The following CSMD1 variants were observed in gnomAD, a reference collection of about 807,000 sequenced individuals.
The protein encoded by CSMD1 is CUB and sushi domain-containing protein 1.
In CSMD1, 213 loss-of-function variants were observed where a neutral mutation model predicts 417.5. The observed-to-expected ratio is 0.51, with a 90% CI of 0.46 to 0.57. The LOEUF is 0.57. CSMD1 is among the 20% of genes least tolerant of loss of function. The probability of loss-of-function intolerance (pLI) is 0.00; values close to 1 mark genes in which losing one functional copy is unlikely to be tolerated. For synonymous variants in CSMD1, 2,862 were observed against 1,736.8 expected (o/e 1.65, Z -16.11); for missense variants, 6,923 against 4,529.7 (o/e 1.53, Z -15.17).
At chr8:3,232,566 T>A (rs74894252) in intron 26 of CSMD1, among the ~76,000 whole-genome samples, 1 of 152,228 alleles carries the variant, frequency 6.6e-6, no homozygotes, top group South Asian at 2.1e-4. Context: ...ATGCTGCTGG[T>A]ACACATTTGC....
intron 7 of CSMD1, among the ~76,000 whole-genome samples, chr8:3,680,296 T>G (rs1233320493): frequency 6.6e-6 from 1 of 152,176 alleles, no homozygotes; most frequent in South Asian, 2.1e-4. Flanking sequence ...CTAGCAAGAC[T>G]AATAAAGAAG....
chr8:3,231,223 C>G (rs550129575), intron 26 of CSMD1, among the ~76,000 whole-genome samples: 14 of 152,224 alleles, frequency 9.2e-5, no homozygotes, highest in African/African-American at 3.4e-4. Flanking sequence ...CCTGAAAAAT[C>G]CAAAGCTTAG....
At chr8:3,900,414 G>C (rs1182502114) in intron 5 of CSMD1, among the ~76,000 whole-genome samples, 1 of 152,010 alleles carries the variant, frequency 6.6e-6, no homozygotes, top group African/African-American at 2.4e-5. Context: ...TGACAGGGCA[G>C]CTGGGTGACA....
At chr8:3,392,327 C>T (rs1461896544) in intron 17 of CSMD1, among the ~76,000 whole-genome samples, 1 of 152,092 alleles carries the variant, frequency 6.6e-6, no homozygotes, top group African/African-American at 2.4e-5. Flanking sequence ...GGGTCACAGG[C>T]AACCCACTTT....
intron 10 of CSMD1, among the ~76,000 whole-genome samples, chr8:3,542,084 G>T (rs74915749): frequency 0.044 from 6,695 of 152,086 alleles, 432 homozygotes; most frequent in African/African-American, 0.14. Context: ...TTATTTTACT[G>T]TGCTCTATAG....
chr8:3,585,873 G>C (rs765671719), intron 9 of CSMD1, among the ~76,000 whole-genome samples: 3 of 152,106 alleles, frequency 2.0e-5, no homozygotes, highest in Non-Finnish European at 4.4e-5. Flanking sequence ...TGTATTGATA[G>C]ATACCAAGTT....
intron 5 of CSMD1, among the ~76,000 whole-genome samples, chr8:3,765,807 G>C (rs951164714): frequency 6.6e-6 from 1 of 152,168 alleles, no homozygotes; most frequent in East Asian, 1.9e-4. Context: ...GGTGGAGACA[G>C]GTCTCAGGAA....
chr8:3,098,697 A>C (rs1471549557), intron 46 of CSMD1, among the ~76,000 whole-genome samples: 1 of 152,180 alleles, frequency 6.6e-6, no homozygotes, highest in African/African-American at 2.4e-5. Context: ...GTGATATTTT[A>C]AGAAAGAAAA....
At chr8:4,542,687 T>C (rs965770098) in intron 2 of CSMD1, among the ~76,000 whole-genome samples, 14 of 152,190 alleles carry the variant, frequency 9.2e-5, no homozygotes, top group Non-Finnish European at 1.9e-4. Flanking sequence ...CGGCAGAAGA[T>C]AGTTTGAATC....
At chr8:4,056,598 C>A (rs2552131) in intron 3 of CSMD1, among the ~76,000 whole-genome samples, 142,209 of 151,660 alleles carry the variant, frequency 0.94, 66,735 homozygotes, top group East Asian at 0.99. Context: ...GGTAAGTTAC[C>A]TATGTATACA....
rs548711951 is a variant in CSMD1 at position 3,235,952 on chromosome 8, C to G, written c.4154-5721G>C. On this transcript the variant is annotated intron_variant, in intron 26 of 69. Coordinates refer to ENST00000635120, the MANE Select transcript of CSMD1 (RefSeq NM_033225.6). ...TTTTTTTTTGAGACAGAGTCTTGAT[C>G]TGTCGCCCAGGCTGGAGTGCAGTGG... Among the ~76,000 whole-genome samples, 6 of 112,138 alleles carry G rather than the reference C, an allele frequency of 5.4e-5. No homozygotes were observed. In the East Asian group the frequency reaches 1.1e-3, roughly 20 times the overall value. 73.6% of individuals were successfully genotyped at this position (112,138 alleles called of 152,430 possible).
chr8:4,096,925 C>G (rs1159241869), intron 3 of CSMD1, among the ~76,000 whole-genome samples: 1 of 152,128 alleles, frequency 6.6e-6, no homozygotes, highest in African/African-American at 2.4e-5. Context: ...AATTGCAGAG[C>G]AAACACCCCA....
chr8:4,197,802 C>A (rs1443799608), intron 3 of CSMD1, among the ~76,000 whole-genome samples: 1 of 152,020 alleles, frequency 6.6e-6, no homozygotes, highest in Non-Finnish European at 1.5e-5. Flanking sequence ...TTGCTTGAAC[C>A]CAGGAGGCAG....
chr8:4,777,195 T>C (rs953617468), intron 1 of CSMD1, among the ~76,000 whole-genome samples: 6 of 152,228 alleles, frequency 3.9e-5, no homozygotes, highest in Non-Finnish European at 8.8e-5. Context: ...TTGTGGTTGT[T>C]ATTTTACCAA....
At chr8:3,768,535 A>G (rs1047081497) in intron 5 of CSMD1, among the ~76,000 whole-genome samples, 3 of 152,204 alleles carry the variant, frequency 2.0e-5, no homozygotes, top group Admixed American at 2.0e-4. Flanking sequence ...ATTTATAAGA[A>G]AGTCCAAATG....
At position 3,292,956 on chromosome 8, in the gene CSMD1, G is replaced by A. The variant is rs1440645265; in HGVS notation, c.3951-8610C>T. On this transcript the variant is annotated intron_variant, in intron 25 of 69. Coordinates refer to ENST00000635120, the MANE Select transcript of CSMD1 (RefSeq NM_033225.6). Reference sequence around the variant, plus strand: ...TTACATTTTGGCATGATTTTGCAGTGGCTGGTACCGGTTGTTCCTTTCCAT... The same window carrying A: ...TTACATTTTGGCATGATTTTGCAGTAGCTGGTACCGGTTGTTCCTTTCCAT... 1.8e-4 allele frequency among the ~76,000 whole-genome samples: 27 copies of A among 151,972 alleles called. 1 individual carries two copies. The highest frequency in any genetic ancestry group is 3.4e-4 in the African/African-American group (14 of 41,342).
intron 2 of CSMD1, among the ~76,000 whole-genome samples, chr8:4,440,790 G>A (rs1052464276): frequency 6.6e-6 from 1 of 152,076 alleles, no homozygotes; most frequent in Non-Finnish European, 1.5e-5. Context: ...GAGGTCAGCA[G>A]TTCGGGACCA....
intron 3 of CSMD1, among the ~76,000 whole-genome samples, chr8:4,309,923 C>G (rs1159522850): frequency 2.6e-5 from 4 of 152,118 alleles, no homozygotes; most frequent in African/African-American, 9.7e-5. Flanking sequence ...TTAAGAAGCT[C>G]ATTAGAAACA....
chr8:4,156,663 G>T (rs1796851877), intron 3 of CSMD1, among the ~76,000 whole-genome samples: 1 of 152,212 alleles, frequency 6.6e-6, no homozygotes, highest in African/African-American at 2.4e-5. Flanking sequence ...CCATCTGCTT[G>T]TGATTTAAGA....
Sources: gnomAD v4.1 joint callset for allele counts (sites outside exome capture counted in the v4.1 genomes callset) on GRCh38, gnomAD v4.1.1 for gene constraint, MANE v1.5 for transcripts, NCBI Gene and HGNC (gene_info 2026-07-23, HGNC 2026-07-21) for gene names.